Variants in TMPO observed in about 807,000 individuals in gnomAD.
TMPO encodes the protein thymopoietin.
A neutral mutation model predicts 45.4 loss-of-function variants in TMPO; 22 were observed. The observed-to-expected ratio is 0.48, with a 90% CI of 0.35 to 0.69. The LOEUF is 0.69. Ranked by LOEUF, TMPO falls within the 30% of genes least tolerant of loss-of-function variation. The pLI, the probability that TMPO is intolerant of heterozygous loss-of-function variation, is 0.01. For synonymous variants in TMPO, 241 were observed against 204.1 expected, an observed-to-expected ratio of 1.18 and a Z score of -1.54; for missense variants, 512 against 548.8, an observed-to-expected ratio of 0.93 and a Z score of 0.67.
At position 98,536,357 on chromosome 12, in the gene TMPO, AT is replaced by A. The variant is rs869053389; in HGVS notation, c.566-1105del. On this transcript the variant is annotated intron_variant, in intron 3 of 8. Transcript: ENST00000556029. ...CCATGATAAATGTCTACAAAAAGGGATTTTTTTTTTTTTGAAATGAAGTTTC... is the reference window on the plus strand; with the variant it reads ...CCATGATAAATGTCTACAAAAAGGGATTTTTTTTTTTTGAAATGAAGTTTC... Among the ~76,000 whole-genome samples the A allele has an allele frequency of 9.4e-3, 1,380 of 146,162 alleles. 10 individuals are homozygous for A. Among genetic ancestry groups the A allele is most frequent in the African/African-American group, 0.025 (1,021 of 40,192 alleles).
intron 1 of TMPO, among the ~76,000 whole-genome samples, chr12:98,521,224 C>T (rs890729568): frequency 1.3e-5 from 2 of 150,198 alleles, no homozygotes; most frequent in African/African-American, 4.9e-5. Flanking sequence ...TCTCCTGCCT[C>T]AGCCTCCCGA....
chr12:98,528,384 C>A (rs1006456913), intron 2 of TMPO, among the ~76,000 whole-genome samples: 1 of 151,602 alleles, frequency 6.6e-6, no homozygotes, highest in African/African-American at 2.4e-5. Flanking sequence ...TCATGCCATT[C>A]TCCTGCCTCA....
intron 2 of TMPO, among the ~76,000 whole-genome samples, chr12:98,529,455 C>T (rs1345176371): frequency 6.6e-6 from 1 of 152,152 alleles, no homozygotes; most frequent in Non-Finnish European, 1.5e-5. Context: ...ACTAAATACA[C>T]TGGATTTCCA....
Position 98,547,565 on chromosome 12 carries a change from C to G in TMPO, c.1080-8C>G, listed in dbSNP as rs1189322865. 4 of 1,613,952 alleles carry G rather than the reference C, an allele frequency of 2.5e-6. No homozygotes were observed. The highest frequency in any genetic ancestry group is 2.5e-6 in the Non-Finnish European group (3 of 1,179,984). On this transcript the variant is annotated splice_region_variant and splice_polypyrimidine_tract_variant and intron_variant, in intron 8 of 8. Coordinates refer to ENST00000556029, the MANE Select transcript of TMPO (RefSeq NM_001032283.3). ...TTATTTTTCTTTTCCTCCTTTCACT[C>G]CCAACAGTGCTAGTTGCCGCAGACC...
At chr12:98,545,835 C>A (rs1333288175) in intron 7 of TMPO, among the ~76,000 whole-genome samples, 1 of 151,956 alleles carries the variant, frequency 6.6e-6, no homozygotes, top group African/African-American at 2.4e-5. Context: ...TGGGTTCAAG[C>A]GATTCTCCTG....
intron 3 of TMPO, chr12:98,535,143 T>C (rs1472992374): frequency 3.0e-6 from 3 of 985,204 alleles, no homozygotes; most frequent in Non-Finnish European, 3.6e-6. Flanking sequence ...ATAATAGATA[T>C]CCTGGGATAG....
At chr12:98,540,597 C>T (rs1221625173) in intron 4 of TMPO, among the ~76,000 whole-genome samples, 2 of 152,178 alleles carry the variant, frequency 1.3e-5, no homozygotes, top group African/African-American at 2.4e-5. Context: ...AGGCAGGTCT[C>T]GAACTCCCGA....
Position 98,527,955 on chromosome 12 carries a change from A to G in TMPO, c.349A>G (p.Asn117Asp). Reference sequence around the variant, plus strand: ...TGATCTAGATGTAACAGAGCTCACTAATGAAGATCTTTTGGATCAGCTTGT... The same window carrying G: ...TGATCTAGATGTAACAGAGCTCACTGATGAAGATCTTTTGGATCAGCTTGT... ...KDDLDVTELT[N>D]EDLLDQLVKY... is the part of the protein sequence containing the mutation. The change falls in exon 2 of 9, where the codon AAT (asparagine) becomes GAT (aspartate). Residue 117 changes from asparagine to aspartate, a missense_variant. Around this residue, in one of 3 missense-constraint regions of TMPO, gnomAD observed 299 missense variants for 296.7 expected, o/e 1.01. Coordinates refer to ENST00000556029, the MANE Select transcript of TMPO (RefSeq NM_001032283.3). The G allele has an allele frequency of 6.2e-7, 1 of 1,613,890 alleles. No individual in the cohort carries two copies. Among genetic ancestry groups the G allele is most frequent in the Non-Finnish European group, 8.5e-7 (1 of 1,179,838 alleles).
In TMPO at chr12:98,515,835, G is replaced by A. The variant is rs1875739192; in HGVS notation, c.-33G>A. 6.3e-7 allele frequency: 1 copy of A among 1,596,474 alleles called. No homozygotes were observed. Among genetic ancestry groups the A allele is most frequent in the African/African-American group, 1.3e-5 (1 of 74,244 alleles). On this transcript the variant is annotated 5_prime_UTR_variant, in exon 1 of 9. Transcript: ENST00000556029. The stretch of plus-strand genomic sequence containing the variant: ...CGCCGGCGTGAGCGGCGGCGGCAAA[G>A]GCTGTGGGGAGGGGGCTTCGCAGAT...
chr12:98,545,815 C>G (rs1398906240), intron 7 of TMPO, among the ~76,000 whole-genome samples: 1 of 152,092 alleles, frequency 6.6e-6, no homozygotes, highest in Non-Finnish European at 1.5e-5. Flanking sequence ...TCACTGCAAC[C>G]TCCGCCTCCT....
intron 1 of TMPO, among the ~76,000 whole-genome samples, chr12:98,520,254 C>G (rs909845711): frequency 1.4e-5 from 2 of 146,032 alleles, no homozygotes; most frequent in South Asian, 2.2e-4. Flanking sequence ...GCCACCGCGC[C>G]CGGCCAACCA....
chr12:98,537,761 A>G, intron 4 of TMPO, 189 bp downstream of exon 4: 1 of 654,444 alleles, frequency 1.5e-6, no homozygotes, highest in Non-Finnish European at 2.7e-6. Flanking sequence ...GATTACAGCA[A>G]AAGCAAATTT....
intron 2 of TMPO, among the ~76,000 whole-genome samples, chr12:98,531,233 T>TC (rs1452288562): frequency 2.9e-5 from 4 of 139,628 alleles, no homozygotes; most frequent in African/African-American, 1.1e-4. Context: ...AGCCACCACG[T>TC]CCTTTTTTTT....
chr12:98,540,225 G>C (rs1170477836), intron 4 of TMPO, among the ~76,000 whole-genome samples: 1 of 152,184 alleles, frequency 6.6e-6, no homozygotes, highest in African/African-American at 2.4e-5. Flanking sequence ...TTTCTGTAGA[G>C]TGGGTTAGAT....
At chr12:98,547,078 C>CTTTTT (rs10632560) in intron 8 of TMPO, among the ~76,000 whole-genome samples, 1 of 141,680 alleles carries the variant, frequency 7.1e-6, no homozygotes, top group African/African-American at 2.6e-5. Flanking sequence ...ATGCATCGAA[C>CTTTTT]TTTTTTTTTT....
At chr12:98,516,538 C>T (rs1875843627) in intron 1 of TMPO, 2 of 1,031,762 alleles carry the variant, frequency 1.9e-6, no homozygotes, top group East Asian at 1.6e-4. Context: ...AGCGTTTTCC[C>T]GCTTTATTAA....
intron 4 of TMPO, among the ~76,000 whole-genome samples, chr12:98,542,627 C>A (rs1039326306): frequency 6.6e-6 from 1 of 152,000 alleles, no homozygotes; most frequent in Non-Finnish European, 1.5e-5. Flanking sequence ...TTTGGGAGGC[C>A]CAGGTGGGTG....
chr12:98,532,176 TATTA>T (rs1877239816), intron 3 of TMPO: 1 of 205,122 alleles, frequency 4.9e-6, no homozygotes, highest in Non-Finnish European at 9.9e-6. Flanking sequence ...TAACTACTAT[TATTA>T]ATTCAATGCC....
At chr12:98,537,415 A>G (rs565597383) in intron 3 of TMPO, 60 bp from the exon 4 acceptor site, 29 of 1,390,302 alleles carry the variant, frequency 2.1e-5, no homozygotes, top group Non-Finnish European at 2.7e-5. Flanking sequence ...TAATATTAGG[A>G]TAACATCATC....
Sources: gnomAD v4.1 joint callset for allele counts (sites outside exome capture counted in the v4.1 genomes callset) on GRCh38, gnomAD v4.1.1 for gene constraint, gnomAD v4.1.1 regional missense constraint, MANE v1.5 for transcripts, NCBI Gene and HGNC (gene_info 2026-07-23, HGNC 2026-07-21) for gene names.